GPC5: variants seen among roughly 807,000 people sequenced by gnomAD.
GPC5 encodes the protein glypican 5, also known as glypican-5.
Under a neutral mutation model 53.9 loss-of-function variants are expected in GPC5, and 47 were observed. That is an observed-to-expected ratio of 0.87 (90% CI 0.69 to 1.11). GPC5 has a LOEUF of 1.11. Among genes scored for constraint, GPC5 ranks in the 50% most tolerant of loss-of-function variants. GPC5 has a pLI of 0.00. For synonymous variants in GPC5, 286 were observed against 263.3 expected, an observed-to-expected ratio of 1.09 and a Z score of -0.84; for missense variants, 748 against 713.1, an observed-to-expected ratio of 1.05 and a Z score of -0.56.
At chr13:92,257,986 T>G (rs1460272498) in intron 7 of GPC5, among the ~76,000 whole-genome samples, 2 of 152,216 alleles carry the variant, frequency 1.3e-5, no homozygotes, top group Non-Finnish European at 1.5e-5. Context: ...TTTTAAAAAG[T>G]AATTTGTTTT....
intron 2 of GPC5, among the ~76,000 whole-genome samples, chr13:91,630,122 A>C (rs1450830889): frequency 6.6e-6 from 1 of 152,122 alleles, no homozygotes; most frequent in African/African-American, 2.4e-5. Flanking sequence ...CAACAAACAC[A>C]CTTCAAAGAT....
chr13:91,435,978 G>A (rs1879909142), intron 1 of GPC5, among the ~76,000 whole-genome samples: 1 of 152,180 alleles, frequency 6.6e-6, no homozygotes, highest in African/African-American at 2.4e-5. Flanking sequence ...TTTGCGTAGA[G>A]GTGTTTATAG....
At chr13:91,849,340 C>T (rs749112765) in intron 5 of GPC5, among the ~76,000 whole-genome samples, 5 of 152,168 alleles carry the variant, frequency 3.3e-5, no homozygotes, top group Non-Finnish European at 5.9e-5. Context: ...TATAGAGGCA[C>T]TGCCCTCCCT....
chr13:91,458,002 G>C (rs1398734338), intron 2 of GPC5, among the ~76,000 whole-genome samples: 1 of 152,146 alleles, frequency 6.6e-6, no homozygotes, highest in African/African-American at 2.4e-5. Context: ...TACAAGTTAG[G>C]ATGTATTAAA....
intron 2 of GPC5, among the ~76,000 whole-genome samples, chr13:91,453,080 CTT>C (rs906346558): frequency 1.3e-5 from 2 of 151,230 alleles, no homozygotes; most frequent in Admixed American, 6.6e-5. Context: ...AATTATTTAA[CTT>C]TTTTTTGATT....
chr13:92,782,180 C>A (rs888702758), intron 7 of GPC5, among the ~76,000 whole-genome samples: 4 of 151,932 alleles, frequency 2.6e-5, no homozygotes, highest in African/African-American at 7.2e-5. Flanking sequence ...CATAAATCAC[C>A]ACCATTCATC....
At chr13:92,060,382 C>T (rs927851577) in intron 6 of GPC5, among the ~76,000 whole-genome samples, 13 of 152,108 alleles carry the variant, frequency 8.5e-5, no homozygotes, top group South Asian at 6.2e-4. Context: ...TATTTTTCCT[C>T]ATATAACCAT....
At chr13:92,642,911 C>T (rs1010587712) in intron 7 of GPC5, among the ~76,000 whole-genome samples, 13 of 152,280 alleles carry the variant, frequency 8.5e-5, no homozygotes, top group South Asian at 2.1e-4. Flanking sequence ...GGTTGGCTAA[C>T]GCACAACTTT....
At chr13:91,730,603 C>A (rs1437478663) in intron 4 of GPC5, among the ~76,000 whole-genome samples, 2 of 152,138 alleles carry the variant, frequency 1.3e-5, no homozygotes, top group Non-Finnish European at 2.9e-5. Context: ...ACCAGCTAAC[C>A]CACACAGCCA....
At chr13:91,865,374 A>G (rs148938345) in intron 5 of GPC5, among the ~76,000 whole-genome samples, 1 of 152,102 alleles carries the variant, frequency 6.6e-6, no homozygotes, top group African/African-American at 2.4e-5. Context: ...TATGAATTAA[A>G]AATAATAATA....
At chr13:91,885,933 G>A (rs2039316886) in intron 5 of GPC5, among the ~76,000 whole-genome samples, 2 of 151,862 alleles carry the variant, frequency 1.3e-5, no homozygotes, top group Admixed American at 1.3e-4. Flanking sequence ...TCAGCATGGA[G>A]GTTCCTTTTT....
chr13:91,620,771 C>G (rs918931247), intron 2 of GPC5, among the ~76,000 whole-genome samples: 10 of 152,124 alleles, frequency 6.6e-5, no homozygotes, highest in African/African-American at 2.4e-4. Flanking sequence ...TGCCGATGAA[C>G]TTGGTCTGGA....
At chr13:92,031,797 T>A (rs1466441026) in intron 6 of GPC5, among the ~76,000 whole-genome samples, 2 of 37,588 alleles carry the variant, frequency 5.3e-5, no homozygotes, top group African/African-American at 2.3e-4. Context: ...ACATATTATA[T>A]ATAATATATA....
At chr13:91,562,646 T>G (rs1424516292) in intron 2 of GPC5, among the ~76,000 whole-genome samples, 1 of 150,316 alleles carries the variant, frequency 6.7e-6, no homozygotes. Flanking sequence ...TTTGGTATTT[T>G]TAGTAGAGAT....
chr13:91,489,396 A>G (rs1883802933), intron 2 of GPC5, among the ~76,000 whole-genome samples: 1 of 152,208 alleles, frequency 6.6e-6, no homozygotes, highest in South Asian at 2.1e-4. Context: ...GCTGCCACTT[A>G]GGAAAAATAG....
intron 2 of GPC5, among the ~76,000 whole-genome samples, chr13:91,519,255 T>G (rs1885674362): frequency 6.6e-6 from 1 of 152,172 alleles, no homozygotes. Flanking sequence ...GGGAAGTAAA[T>G]AAAAACTGAA....
At chr13:91,826,787 G>A (rs2038582196) in intron 5 of GPC5, among the ~76,000 whole-genome samples, 1 of 151,998 alleles carries the variant, frequency 6.6e-6, no homozygotes, top group Non-Finnish European at 1.5e-5. Flanking sequence ...GTTAATAAAT[G>A]ATTTAAAAAC....
At chr13:92,072,071 A>G (rs985062615) in intron 6 of GPC5, among the ~76,000 whole-genome samples, 5 of 146,188 alleles carry the variant, frequency 3.4e-5, no homozygotes, top group African/African-American at 1.2e-4. Context: ...ATTTATATAT[A>G]TAAAAATATA....
intron 7 of GPC5, among the ~76,000 whole-genome samples, chr13:92,288,949 C>T (rs940369810): frequency 6.6e-6 from 1 of 151,996 alleles, no homozygotes; most frequent in African/African-American, 2.4e-5. Flanking sequence ...ATCGTTGAAC[C>T]ATTACTACCA....
Sources: allele counts gnomAD v4.1 joint callset (sites outside exome capture counted in the v4.1 genomes callset), GRCh38; gene constraint gnomAD v4.1.1; transcripts MANE v1.5; gene names NCBI Gene and HGNC (gene_info 2026-07-23, HGNC 2026-07-21).